The following DRC1 variants were observed in gnomAD, a reference collection of about 807,000 sequenced individuals.
DRC1 encodes dynein regulatory complex protein 1.
Under a neutral mutation model 98.7 loss-of-function variants are expected in DRC1, and 74 were observed. That is an observed-to-expected ratio of 0.75 (90% CI 0.62 to 0.91). DRC1 has a LOEUF of 0.91. Among genes scored for constraint, DRC1 ranks in the 40% least tolerant of loss-of-function variants. DRC1 has a pLI of 0.00. For synonymous variants in DRC1, 336 were observed against 334.1 expected (o/e 1.01, Z -0.06); for missense variants, 875 against 886.0 (o/e 0.99, Z 0.16).
chr2:26,430,509 G>A lies in DRC1; in HGVS notation c.679-277G>A, dbSNP rs116363700. 8.9e-3 allele frequency: 4,796 copies of A among 541,606 alleles called. 169 individuals are homozygous for A. The highest frequency in any genetic ancestry group is 0.077 in the African/African-American group (4,090 of 52,906). 33.6% of individuals were successfully genotyped at this position (541,606 alleles called of 1,614,324 possible). On this transcript the variant is annotated intron_variant, in intron 5 of 16. Transcript: ENST00000288710. ...CGTGTGACTGCCAACAGGGGCACTG[G>A]CCTTCCTCCAGTTCCCTGCCTCTGA...
chr2:26,422,670 C>A (rs150313576), intron 3 of DRC1, among the ~76,000 whole-genome samples: 1 of 152,196 alleles, frequency 6.6e-6, no homozygotes, highest in Non-Finnish European at 1.5e-5. Flanking sequence ...AATCCCAGCA[C>A]TTTGGGAGGC....
At chr2:26,404,259 T>C (rs1678349832) in intron 1 of DRC1, among the ~76,000 whole-genome samples, 1 of 152,204 alleles carries the variant, frequency 6.6e-6, no homozygotes. Flanking sequence ...ATTCAGAATA[T>C]ATTATGACAG....
intron 1 of DRC1, 108 bp downstream of exon 1, chr2:26,402,252 G>C (rs1290769451): frequency 7.7e-6 from 11 of 1,430,362 alleles, no homozygotes; most frequent in Middle Eastern, 2.6e-4. Flanking sequence ...GCAGAGTATG[G>C]GAAAGTAAAA....
chr2:26,414,564 C>T (rs766500472), intron 2 of DRC1, 133 bp downstream of exon 2: 47 of 759,622 alleles, frequency 6.2e-5, no homozygotes, highest in Non-Finnish European at 9.0e-5. Context: ...AGAATCTTTC[C>T]CATTTGAGAG....
intron 13 of DRC1, among the ~76,000 whole-genome samples, chr2:26,450,949 A>G (rs747840651): frequency 1.2e-4 from 18 of 150,766 alleles, no homozygotes; most frequent in Non-Finnish European, 1.9e-4. Context: ...TCATTGTTCA[A>G]CTCCCATTTA....
Position 26,440,793 on chromosome 2 carries a change from C to T in DRC1, c.1028+276C>T, listed in dbSNP as rs538588061. Among the ~76,000 whole-genome samples, 224 of 152,252 alleles carry T rather than the reference C, an allele frequency of 1.5e-3. 1 individual carries two copies. The highest frequency in any genetic ancestry group is 5.2e-3 in the African/African-American group (215 of 41,552). ...GAATTTCATTAGGCATATACAAGCC[C>T]ACACAAATATTCTCATCCCCCATCT... On this transcript the variant is annotated intron_variant, in intron 8 of 16. Coordinates refer to ENST00000288710, the MANE Select transcript of DRC1 (RefSeq NM_145038.5).
At chr2:26,412,905 C>A (rs1219257339) in intron 1 of DRC1, among the ~76,000 whole-genome samples, 2 of 152,156 alleles carry the variant, frequency 1.3e-5, no homozygotes, top group Non-Finnish European at 2.9e-5. Flanking sequence ...GCCTCAGCCT[C>A]CCAAGTAGCT....
chr2:26,431,249 C>T (rs1432648963), intron 6 of DRC1, among the ~76,000 whole-genome samples: 5 of 152,286 alleles, frequency 3.3e-5, no homozygotes, highest in Non-Finnish European at 5.9e-5. Context: ...CCTCCGCGCC[C>T]GGCCGCCTTT....
intron 1 of DRC1, among the ~76,000 whole-genome samples, chr2:26,408,678 C>T (rs190041333): frequency 0.011 from 1,614 of 151,890 alleles, 23 homozygotes; most frequent in Middle Eastern, 0.065. Context: ...GGCTGAGGCA[C>T]GAGAATTGCT....
Position 26,448,815 on chromosome 2 carries a change from C to G in DRC1, c.1509+12C>G. 1 of 1,612,736 alleles carries G rather than the reference C, an allele frequency of 6.2e-7. No individual in the cohort carries two copies. The highest frequency in any genetic ancestry group is 8.5e-7 in the Non-Finnish European group (1 of 1,179,010). The stretch of plus-strand genomic sequence containing the variant: ...TGTGTGACGAGTCGGTGAGGCCAGG[C>G]GGGGGCTGCAGCAGAGGGACTCACG... On this transcript the variant is annotated intron_variant, in intron 11 of 16. Transcript: ENST00000288710.
intron 8 of DRC1, 136 bp from the exon 9 acceptor site, chr2:26,444,086 G>T: frequency 8.1e-7 from 1 of 1,231,654 alleles, no homozygotes; most frequent in Non-Finnish European, 1.1e-6. Context: ...TCTGTGTTTT[G>T]GAATATATGG....
In DRC1 at chr2:26,454,618, A is replaced by G. The variant is rs199797526; in HGVS notation, c.1920-29A>G. On this transcript the variant is annotated intron_variant, in intron 14 of 16. Transcript: ENST00000288710. This position sits in a 1 kb window ranked among gnomAD's most constrained non-coding sequence, Gnocchi z 5.2. Reference sequence around the variant, plus strand: ...GGGGCCTGGGTAGTACCCAATGGACATGACAATCACTGTGCTCTTGGCCTT... The same window carrying G: ...GGGGCCTGGGTAGTACCCAATGGACGTGACAATCACTGTGCTCTTGGCCTT... The G allele has an allele frequency of 4.8e-4, 770 of 1,612,840 alleles. 1 individual carries two copies. Among genetic ancestry groups the G allele is most frequent in the Middle Eastern group, 4.5e-3 (27 of 6,054 alleles).
chr2:26,427,545 C>G (rs1237291892), intron 4 of DRC1, among the ~76,000 whole-genome samples: 1 of 152,248 alleles, frequency 6.6e-6, no homozygotes, highest in Middle Eastern at 3.4e-3. Context: ...TCCATCACTT[C>G]AAGCATGTAT....
At chr2:26,430,549 C>T (rs180951498) in intron 5 of DRC1, 159 of 594,000 alleles carry the variant, frequency 2.7e-4, no homozygotes, top group African/African-American at 2.3e-3. Context: ...GACTAAGCCA[C>T]GGGACTGTTG....
At chr2:26,449,529 C>T (rs185291772) in intron 11 of DRC1, among the ~76,000 whole-genome samples, 17 of 152,246 alleles carry the variant, frequency 1.1e-4, no homozygotes, top group Non-Finnish European at 1.5e-4. Context: ...TCTGCTCAGC[C>T]GCCCTCTCCC....
intron 1 of DRC1, among the ~76,000 whole-genome samples, chr2:26,409,076 T>C (rs955731606): frequency 2.6e-5 from 4 of 151,254 alleles, no homozygotes; most frequent in Non-Finnish European, 5.9e-5. Flanking sequence ...GCACTACAGG[T>C]GCAGGCCACC....
chr2:26,403,952 T>C (rs533293786), intron 1 of DRC1, among the ~76,000 whole-genome samples: 98 of 151,362 alleles, frequency 6.5e-4, no homozygotes, highest in African/African-American at 2.3e-3. Context: ...ATACAAAAAT[T>C]AGCCAGGCAT....
At chr2:26,443,744 G>A (rs1047905218) in intron 8 of DRC1, among the ~76,000 whole-genome samples, 1 of 152,172 alleles carries the variant, frequency 6.6e-6, no homozygotes, top group African/African-American at 2.4e-5. Context: ...ACCTGTTAAC[G>A]GTATCAGCTC....
intron 2 of DRC1, among the ~76,000 whole-genome samples, chr2:26,418,620 A>AATATAAATTATATATAATTTATATAAT (rs1426091527): frequency 3.4e-4 from 30 of 89,396 alleles, no homozygotes; most frequent in Admixed American, 1.5e-3. Context: ...AATTATATAT[A>AATATAAATTATATATAATTTATATAAT]ATATAAATTA....
Sources: allele counts gnomAD v4.1 joint callset (sites outside exome capture counted in the v4.1 genomes callset), GRCh38; gene constraint gnomAD v4.1.1; non-coding constraint Gnocchi (gnomAD v3.1); transcripts MANE v1.5; gene names NCBI Gene and HGNC (gene_info 2026-07-23, HGNC 2026-07-21).